The following BEND2 variants were observed in gnomAD, a reference collection of about 807,000 sequenced individuals.
BEND2 encodes BEN domain containing 2, also known as BEN domain-containing protein 2.
Under a neutral mutation model 43.8 loss-of-function variants are expected in BEND2, and 19 were observed. The ratio of observed to expected loss-of-function variants is 0.43; its 90% CI spans 0.30 to 0.64. BEND2 has a LOEUF of 0.64. Ranked by LOEUF, BEND2 falls within the 30% of genes least tolerant of loss-of-function variation. The pLI is 0.11. For missense variants in BEND2, 544 were observed against 574.0 expected, an observed-to-expected ratio of 0.95 and a Z score of 0.53; for synonymous variants, 226 against 210.1, an observed-to-expected ratio of 1.08 and a Z score of -0.66.
At chrX:18,175,862 G>T in intron 11 of BEND2, 110 bp downstream of exon 11, 1 of 753,726 alleles carries the variant, frequency 1.3e-6, no homozygotes, top group Non-Finnish European at 1.8e-6. Flanking sequence ...AAGTTAATGA[G>T]AATTTTAGCA....
chrX:18,217,902 G>A (rs1012994665), intron 1 of BEND2, among the ~76,000 whole-genome samples: 5 of 106,116 alleles, frequency 4.7e-5, no homozygotes, highest in Admixed American at 3.1e-4. Context: ...GCAACATGGC[G>A]AAATCCTGTC....
At chrX:18,201,427 A>AAAAAAAAGAAC (rs1925156313) in intron 6 of BEND2, among the ~76,000 whole-genome samples, 1 of 86,430 alleles carries the variant, frequency 1.2e-5, no homozygotes, top group Non-Finnish European at 2.3e-5. Context: ...ACAAAAAAAA[A>AAAAAAAAGAAC]AAAACTGGTG....
chrX:18,175,119 G>A (rs1924103743), intron 11 of BEND2, among the ~76,000 whole-genome samples: 1 of 111,674 alleles, frequency 9.0e-6, no homozygotes, highest in Non-Finnish European at 1.9e-5. Context: ...ATTGTTTAGG[G>A]TGCAATTTTT....
chrX:18,183,606 G>A (rs778972053), intron 8 of BEND2, among the ~76,000 whole-genome samples: 3 of 112,319 alleles, frequency 2.7e-5, no homozygotes, highest in Non-Finnish European at 5.6e-5. Flanking sequence ...TCCAGGCCTT[G>A]GCTCTTAGAT....
At chrX:18,203,203 T>C (rs1925221167) in intron 5 of BEND2, among the ~76,000 whole-genome samples, 1 of 110,730 alleles carries the variant, frequency 9.0e-6, no homozygotes, top group South Asian at 3.9e-4. Flanking sequence ...AACGGTTCTG[T>C]ATCTTGACTA....
chrX:18,169,896 C>A (rs1457295114), intron 13 of BEND2, among the ~76,000 whole-genome samples: 1 of 111,861 alleles, frequency 8.9e-6, no homozygotes, highest in Non-Finnish European at 1.9e-5. Flanking sequence ...TATTTTTCAT[C>A]AACTTTTAAA....
At chrX:18,180,467 G>A in intron 9 of BEND2, 43 bp downstream of exon 9, 2 of 1,199,201 alleles carry the variant, frequency 1.7e-6, no homozygotes, top group Non-Finnish European at 2.3e-6. Context: ...GAAGAATGTA[G>A]CTCAAATAGT....
chrX:18,205,338 C>T (rs938809721), intron 4 of BEND2, among the ~76,000 whole-genome samples: 15 of 109,000 alleles, frequency 1.4e-4, no homozygotes, highest in Admixed American at 9.9e-5. Context: ...CCGAGGCAGG[C>T]GGATCACTTG....
intron 12 of BEND2, among the ~76,000 whole-genome samples, chrX:18,171,886 T>TA (rs986965017): frequency 1.8e-5 from 2 of 111,933 alleles, no homozygotes; most frequent in African/African-American, 6.5e-5. Context: ...GAAATACTTA[T>TA]AATTTTTAAA....
intron 13 of BEND2, among the ~76,000 whole-genome samples, chrX:18,169,561 A>G (rs967230876): frequency 1.8e-5 from 2 of 111,989 alleles, no homozygotes; most frequent in African/African-American, 6.5e-5. Flanking sequence ...CTGGTCACCC[A>G]GCCTTTGCTC....
At chrX:18,206,876 T>C (rs1925350760) in intron 4 of BEND2, among the ~76,000 whole-genome samples, 1 of 111,450 alleles carries the variant, frequency 9.0e-6, no homozygotes, top group Admixed American at 9.5e-5. Context: ...AAGAGGGAAC[T>C]GGTATGAAAG....
intron 2 of BEND2, among the ~76,000 whole-genome samples, chrX:18,214,810 C>CAAAAAAAAAA (rs58814498): frequency 8.5e-5 from 3 of 35,450 alleles, no homozygotes; most frequent in African/African-American, 2.3e-4. Context: ...GACTCTGTCT[C>CAAAAAAAAAA]AAAAAAAAAA....
intron 1 of BEND2, among the ~76,000 whole-genome samples, chrX:18,217,774 A>G (rs1332890807): frequency 9.0e-6 from 1 of 111,492 alleles, no homozygotes; most frequent in Non-Finnish European, 1.9e-5. Flanking sequence ...GGAATGGTAT[A>G]TTGCCAATAA....
chrX:18,204,074 G>A (rs1278863336), intron 4 of BEND2, among the ~76,000 whole-genome samples, 159 bp from the exon 5 acceptor site: 1 of 112,024 alleles, frequency 8.9e-6, no homozygotes, highest in Non-Finnish European at 1.9e-5. Flanking sequence ...TTAAAATGAG[G>A]CTTAAAAAGT....
chrX:18,166,342 T>C (rs1190566196), intron 13 of BEND2, among the ~76,000 whole-genome samples: 1 of 111,343 alleles, frequency 9.0e-6, no homozygotes, highest in Non-Finnish European at 1.9e-5. Context: ...ATAAAAGAAG[T>C]TTCTTGGGGG....
At chrX:18,201,671 T>G (rs1173143131) in intron 6 of BEND2, 144 bp downstream of exon 6, 3 of 689,655 alleles carry the variant, frequency 4.3e-6, no homozygotes, top group Non-Finnish European at 5.9e-6. Context: ...TTTTGTATTT[T>G]TAGTAGAGAC....
chrX:18,171,321 G>T, intron 12 of BEND2, 117 bp from the exon 13 acceptor site: 1 of 848,971 alleles, frequency 1.2e-6, no homozygotes, highest in Non-Finnish European at 1.6e-6. Context: ...GAATTTGAGA[G>T]GTTAAAAAAT....
chrX:18,178,233 T>C (rs1924250432), intron 9 of BEND2, among the ~76,000 whole-genome samples: 1 of 111,928 alleles, frequency 8.9e-6, no homozygotes, highest in Admixed American at 9.5e-5. Flanking sequence ...TTCAAATAGC[T>C]AGCATTTATC....
At chrX:18,214,244 C>A (rs780365745) in intron 2 of BEND2, among the ~76,000 whole-genome samples, 1 of 110,842 alleles carries the variant, frequency 9.0e-6, no homozygotes, top group African/African-American at 3.3e-5. Context: ...CACAGTGGGA[C>A]CCTGTCTCTG....
Sources: gnomAD v4.1 joint callset for allele counts (sites outside exome capture counted in the v4.1 genomes callset) on GRCh38, gnomAD v4.1.1 for gene constraint, MANE v1.5 for transcripts, NCBI Gene and HGNC (gene_info 2026-07-23, HGNC 2026-07-21) for gene names.